UBAP2: variants seen among roughly 807,000 people sequenced by gnomAD.
UBAP2 encodes the protein ubiquitin associated protein 2.
A neutral mutation model predicts 139.6 loss-of-function variants in UBAP2; 75 were observed. That is an observed-to-expected ratio of 0.54 (90% confidence interval 0.45 to 0.65). The LOEUF (loss-of-function observed/expected upper bound fraction) is 0.65. Ranked by LOEUF, UBAP2 falls within the 30% of genes least tolerant of loss-of-function variation. The pLI is 0.00. For synonymous variants in UBAP2, 526 were observed against 526.2 expected, an observed-to-expected ratio of 1.00 and a Z score of 0.01; for missense variants, 1,368 against 1,369.6, an observed-to-expected ratio of 1.00 and a Z score of 0.02.
intron 8 of UBAP2, chr9:33,968,517 T>C (rs1467494176): frequency 1.9e-5 from 9 of 473,168 alleles, no homozygotes; most frequent in Non-Finnish European, 3.7e-5. Context: ...AAAGTCTCCA[T>C]GTTGGTGGAA....
At chr9:34,026,922 C>T (rs1825446300) in intron 1 of UBAP2, among the ~76,000 whole-genome samples, 1 of 152,140 alleles carries the variant, frequency 6.6e-6, no homozygotes. Flanking sequence ...TTCTATACAA[C>T]AGCATAACTA....
At chr9:34,023,965 A>G (rs1800220162) in intron 1 of UBAP2, among the ~76,000 whole-genome samples, 1 of 152,070 alleles carries the variant, frequency 6.6e-6, no homozygotes. Context: ...AATCGCTTGA[A>G]CCTGGGAGGC....
intron 8 of UBAP2, among the ~76,000 whole-genome samples, chr9:33,971,180 G>A (rs1400129671): frequency 6.6e-6 from 1 of 152,144 alleles, no homozygotes; most frequent in Non-Finnish European, 1.5e-5. Context: ...TTTACCCCAA[G>A]AATTTCAGAA....
At chr9:33,948,894 A>T in intron 12 of UBAP2, 2 of 267,440 alleles carry the variant, frequency 7.5e-6, no homozygotes, top group Non-Finnish European at 1.5e-5. Context: ...TCACGCCTGT[A>T]ATCCCAACAC....
intron 1 of UBAP2, among the ~76,000 whole-genome samples, chr9:34,022,114 G>A (rs1246523808): frequency 6.6e-6 from 1 of 151,948 alleles, no homozygotes; most frequent in African/African-American, 2.4e-5. Context: ...GCATGGTGGC[G>A]CACCTCTGTA....
intron 1 of UBAP2, among the ~76,000 whole-genome samples, chr9:34,035,528 A>T (rs926686862): frequency 6.3e-4 from 30 of 47,902 alleles, no homozygotes; most frequent in East Asian, 2.5e-3. Context: ...TATATATATA[A>T]AGATTAGCCA....
At chr9:33,987,171 G>A (rs1013877035) in intron 5 of UBAP2, among the ~76,000 whole-genome samples, 1 of 152,082 alleles carries the variant, frequency 6.6e-6, no homozygotes. Context: ...AGCACTTTGG[G>A]AGGCTGAGGC....
At position 33,965,269 on chromosome 9, in the gene UBAP2, A is replaced by AT. The variant is rs1827360200; in HGVS notation, c.680-1479dup. Among the ~76,000 whole-genome samples, 4 of 152,028 alleles carry AT rather than the reference A, an allele frequency of 2.6e-5. No individual in the cohort carries two copies. The South Asian group carries it at 8.3e-4, about 32-fold the overall frequency. On this transcript the variant is annotated intron_variant, in intron 8 of 28. Coordinates refer to ENST00000379238, the MANE Select transcript of UBAP2 (RefSeq NM_001370062.2). ...AGAACTTCTTCCATTTTTTCCCCCC[A>AT]TTTTTAATTGCTCATTTGTTTTAGG...
chr9:33,998,991 G>A, intron 2 of UBAP2, 127 bp from the exon 3 acceptor site: 1 of 689,722 alleles, frequency 1.4e-6, no homozygotes, highest in South Asian at 1.9e-5. Context: ...AAAAGACAGT[G>A]AATTTAGGCC....
At position 33,956,662 on chromosome 9, in the gene UBAP2, C is replaced by G. The variant is rs1044714946; in HGVS notation, c.799-516G>C. ...AGGTAATTTTAGATTGAAAGGCCTA[C>G]AAGAATGACTTCAAATCAGGAAAAT... On this transcript the variant is annotated intron_variant, in intron 10 of 28. Coordinates refer to ENST00000379238, the MANE Select transcript of UBAP2 (RefSeq NM_001370062.2). Among the ~76,000 whole-genome samples, 6 of 152,074 alleles carry G rather than the reference C, an allele frequency of 3.9e-5. No homozygotes were observed. The South Asian group carries it at 1.0e-3, about 26-fold the overall frequency.
intron 2 of UBAP2, among the ~76,000 whole-genome samples, chr9:34,000,755 T>G (rs1453624224): frequency 1.3e-5 from 2 of 152,240 alleles, no homozygotes; most frequent in Non-Finnish European, 2.9e-5. Flanking sequence ...GTTGACATTT[T>G]TTGCATTTTA....
intron 1 of UBAP2, among the ~76,000 whole-genome samples, chr9:34,031,077 G>T (rs1230437770): frequency 1.3e-5 from 2 of 152,024 alleles, no homozygotes; most frequent in African/African-American, 4.8e-5. Flanking sequence ...TCAGGAGTTT[G>T]AGACCAGCCT....
chr9:33,949,268 T>C (rs573914279), intron 12 of UBAP2, among the ~76,000 whole-genome samples: 1 of 152,290 alleles, frequency 6.6e-6, no homozygotes, highest in African/African-American at 2.4e-5. Context: ...TAAAGAGGAA[T>C]GCCATGAAAT....
rs371013475 is a variant in UBAP2, at chr9:33,923,845, G to A, written c.2746C>T (p.Pro916Ser). Residue 916 changes from proline to serine, a missense_variant, in exon 24 of 29, where the codon CCC becomes TCC. By Grantham distance (74) the Pro-to-Ser change is moderately conservative. Transcript: ENST00000379238. ...LPPGYSYTGL[P>S]YYTGMPSAFQ... ...GCACTGGGCATGCCTGTGTAGTAGG[G>A]AAGACCAGTGTAGCTATAGCCAGGT... 6.2e-6 allele frequency: 10 copies of A among 1,614,088 alleles called. No homozygotes were observed. Among genetic ancestry groups the A allele is most frequent in the Non-Finnish European group, 8.5e-6 (10 of 1,180,048 alleles).
chr9:34,037,058 G>A (rs1587698266), intron 1 of UBAP2, among the ~76,000 whole-genome samples: 1 of 144,620 alleles, frequency 6.9e-6, no homozygotes, highest in East Asian at 2.0e-4. Context: ...GCACAATCTC[G>A]GCTCGCTGCA....
rs1308144709 is a variant in UBAP2 at position 33,960,815 on chromosome 9, CA to C, written c.798+10del. ...AAAAAAGAAAGGTCTCATCTGACAG[CA>C]AACACTTACATCTTCAGTCCAGTCT... On this transcript the variant is annotated intron_variant, in intron 10 of 28. Coordinates refer to ENST00000379238, the MANE Select transcript of UBAP2 (RefSeq NM_001370062.2). The C allele has an allele frequency of 1.2e-6, 2 of 1,611,518 alleles. No homozygotes were observed. Among genetic ancestry groups the C allele is most frequent in the Non-Finnish European group, 1.7e-6 (2 of 1,178,758 alleles).
chr9:33,960,706 G>C, intron 10 of UBAP2, 120 bp downstream of exon 10: 1 of 877,744 alleles, frequency 1.1e-6, no homozygotes. Context: ...CTTGAATCTG[G>C]GAGGCAGAGG....
chr9:34,011,989 G>A (rs1352469614), intron 2 of UBAP2, among the ~76,000 whole-genome samples: 1 of 51,902 alleles, frequency 1.9e-5, no homozygotes, highest in East Asian at 5.9e-4. Context: ...CACCACCAAA[G>A]ATAAACATTA....
intron 10 of UBAP2, among the ~76,000 whole-genome samples, chr9:33,958,297 T>C (rs1232584191): frequency 6.6e-6 from 1 of 151,882 alleles, no homozygotes. Context: ...AGTGAATCCA[T>C]TTTTGCCTGA....
Sources: gnomAD v4.1 joint callset for allele counts (sites outside exome capture counted in the v4.1 genomes callset) on GRCh38, gnomAD v4.1.1 for gene constraint, MANE v1.5 for transcripts, NCBI Gene and HGNC (gene_info 2026-07-23, HGNC 2026-07-21) for gene names.